DCAF8L2: variants seen among roughly 807,000 people sequenced by gnomAD.
DCAF8L2 encodes DDB1 and CUL4 associated factor 8 like 2.
For missense variants in DCAF8L2, 430 were observed against 490.7 expected, an observed-to-expected ratio of 0.88 and a Z score of 1.17; for synonymous variants, 200 against 190.9, an observed-to-expected ratio of 1.05 and a Z score of -0.39.
intron 3 of DCAF8L2, among the ~76,000 whole-genome samples, chrX:27,708,720 C>T (rs1034755344): frequency 2.7e-5 from 3 of 111,914 alleles, no homozygotes; most frequent in African/African-American, 9.8e-5. Flanking sequence ...AGGTTAAACC[C>T]CTACCGATCT....
At chrX:27,545,554 C>A in the DCAF8L2 span, among the ~76,000 whole-genome samples, 7,241 of 110,981 alleles carry the variant, frequency 0.065, 558 homozygotes, top group African/African-American at 0.22. Flanking sequence ...GGGGGAGGAA[C>A]CTGGTAGGAG....
the DCAF8L2 span, among the ~76,000 whole-genome samples, chrX:27,542,635 C>T: frequency 1.1e-5 from 1 of 93,920 alleles, no homozygotes; most frequent in Non-Finnish European, 2.1e-5. Flanking sequence ...CTCCGCCTCC[C>T]GGGTTCACGC....
At chrX:27,555,563 T>G in the DCAF8L2 span, among the ~76,000 whole-genome samples, 1 of 112,299 alleles carries the variant, frequency 8.9e-6, no homozygotes, top group Non-Finnish European at 1.9e-5. Context: ...GAGCTCCTGA[T>G]AGGTTTCTGT....
At chrX:27,520,636 A>G in the DCAF8L2 span, among the ~76,000 whole-genome samples, 1 of 112,205 alleles carries the variant, frequency 8.9e-6, no homozygotes, top group Non-Finnish European at 1.9e-5. Context: ...TTAATAAAAT[A>G]CAAAGGTCCA....
chrX:27,633,793 G>A (rs959934278), intron 2 of DCAF8L2: 2 of 111,529 alleles, frequency 1.8e-5, no homozygotes, highest in African/African-American at 3.3e-5. Flanking sequence ...AATTTTTTCT[G>A]GCAACCGCTT....
chrX:27,711,842 G>A (rs919851728), intron 3 of DCAF8L2, among the ~76,000 whole-genome samples: 1 of 110,385 alleles, frequency 9.1e-6, no homozygotes, highest in African/African-American at 3.3e-5. Context: ...GGGTTTTGGG[G>A]GGAAGTTAGC....
At chrX:27,610,397 A>ATGTG (rs770584868) in intron 1 of DCAF8L2, among the ~76,000 whole-genome samples, 1 of 108,400 alleles carries the variant, frequency 9.2e-6, no homozygotes, top group Non-Finnish European at 1.9e-5. Context: ...CTGTGTGTGC[A>ATGTG]TGTGTGTGTG....
rs72623779 is a variant in DCAF8L2 at position 27,689,601 on chromosome X, A to G, written c.-143+11689A>G. 2.0e-3 allele frequency among the ~76,000 whole-genome samples: 221 copies of G among 112,829 alleles called. 2 individuals carry two copies. In the East Asian group the frequency reaches 0.038, roughly 20 times the overall value. On this transcript the variant is annotated intron_variant, in intron 3 of 4. Transcript: ENST00000451261. ...CCACATTATAGCCTTTATAACTAGC[A>G]ATTGAAAGATGGTTGTATAAATTAC...
the DCAF8L2 span, among the ~76,000 whole-genome samples, chrX:27,489,343 C>T: frequency 8.9e-6 from 1 of 112,008 alleles, no homozygotes; most frequent in Non-Finnish European, 1.9e-5. Flanking sequence ...GTGATCTGCC[C>T]GCCTCGGCCT....
the DCAF8L2 span, among the ~76,000 whole-genome samples, chrX:27,537,774 G>C: frequency 2.7e-5 from 3 of 112,030 alleles, no homozygotes. Context: ...AAAGGAATAT[G>C]TAAGGCAGAG....
chrX:27,534,070 G>C, the DCAF8L2 span, among the ~76,000 whole-genome samples: 3 of 110,507 alleles, frequency 2.7e-5, no homozygotes. Context: ...AATTAGCCAG[G>C]TGTGGTGGCA....
At chrX:27,584,010 T>G in the DCAF8L2 span, among the ~76,000 whole-genome samples, 1 of 112,058 alleles carries the variant, frequency 8.9e-6, no homozygotes, top group Non-Finnish European at 1.9e-5. Flanking sequence ...TTCTCTGTGC[T>G]TGCACTATAG....
At chrX:27,737,985 G>A (rs748575066) in intron 4 of DCAF8L2, among the ~76,000 whole-genome samples, 28 of 111,610 alleles carry the variant, frequency 2.5e-4, no homozygotes, top group Non-Finnish European at 4.1e-4. Flanking sequence ...TAAGGAAGGC[G>A]ATACAGCATT....
At chrX:27,692,802 A>G (rs997006237) in intron 3 of DCAF8L2, among the ~76,000 whole-genome samples, 3 of 111,045 alleles carry the variant, frequency 2.7e-5, no homozygotes, top group Admixed American at 9.7e-5. Context: ...TTATCATAAT[A>G]TAGGGAGAAG....
At chrX:27,518,144 C>T in the DCAF8L2 span, 1 of 922,504 alleles carries the variant, frequency 1.1e-6, no homozygotes, top group Non-Finnish European at 1.6e-6. Flanking sequence ...GTTTAAGAAG[C>T]CATCTTAAAG....
intron 3 of DCAF8L2, among the ~76,000 whole-genome samples, chrX:27,696,288 A>G (rs367555604): frequency 1.6e-5 from 1 of 62,092 alleles, no homozygotes; most frequent in Non-Finnish European, 2.9e-5. Flanking sequence ...GAAAGAAAGA[A>G]AGAAAGAAAG....
At chrX:27,723,799 G>A (rs189628175) in intron 4 of DCAF8L2, among the ~76,000 whole-genome samples, 1 of 111,256 alleles carries the variant, frequency 9.0e-6, no homozygotes, top group Non-Finnish European at 1.9e-5. Context: ...GTAAACAACT[G>A]TAAATAAACC....
the DCAF8L2 span, among the ~76,000 whole-genome samples, chrX:27,523,305 C>A: frequency 9.0e-6 from 1 of 110,686 alleles, no homozygotes; most frequent in Non-Finnish European, 1.9e-5. Flanking sequence ...ACTAGACAGC[C>A]TTTAAGATGA....
In DCAF8L2 at chrX:27,720,854, T is replaced by C. The variant is rs568706778; in HGVS notation, c.-59+4683T>C. Among the ~76,000 whole-genome samples, 5 of 111,799 alleles carry C rather than the reference T, an allele frequency of 4.5e-5. No individual in the cohort carries two copies. In the South Asian group the frequency reaches 1.8e-3, roughly 41 times the overall value. On this transcript the variant is annotated intron_variant, in intron 4 of 4. Coordinates refer to ENST00000451261, the MANE Select transcript of DCAF8L2 (RefSeq NM_001353450.2). ...GTTAATGTTACCCATGTTTTGTAAT[T>C]TGGTGTTCAGACCTTACATATATTT...
Sources: gnomAD v4.1 joint callset for allele counts (sites outside exome capture counted in the v4.1 genomes callset) on GRCh38, gnomAD v4.1.1 for gene constraint, MANE v1.5 for transcripts, NCBI Gene and HGNC (gene_info 2026-07-23, HGNC 2026-07-21) for gene names.